The following KHDRBS2 variants were observed in gnomAD, a reference collection of about 807,000 sequenced individuals.
KHDRBS2 encodes the protein KH RNA binding domain containing, signal transduction associated 2.
Under a neutral mutation model 44.3 loss-of-function variants are expected in KHDRBS2, and 26 were observed. That is an observed-to-expected ratio of 0.59 (90% CI 0.43 to 0.81). The LOEUF (loss-of-function observed/expected upper bound fraction) is 0.81, where lower values mean the gene tolerates loss of function less well. Among genes scored for constraint, KHDRBS2 ranks in the 40% least tolerant of loss-of-function variants. The pLI, the probability that KHDRBS2 is intolerant of heterozygous loss-of-function variation, is 0.00. For missense variants in KHDRBS2, 476 were observed against 433.1 expected (o/e 1.10, Z -0.88); for synonymous variants, 194 against 151.1 (o/e 1.28, Z -2.08).
intron 6 of KHDRBS2, among the ~76,000 whole-genome samples, chr6:61,742,233 T>C (rs1030673419): frequency 1.3e-5 from 2 of 151,956 alleles, no homozygotes; most frequent in Non-Finnish European, 2.9e-5. Context: ...TGAAGTGTGG[T>C]TAATTCTTAA....
the KHDRBS2 span, among the ~76,000 whole-genome samples, chr6:61,581,579 CACAATATACAATAT>C: frequency 9.0e-3 from 1,312 of 145,064 alleles, 5 homozygotes; most frequent in Middle Eastern, 0.022. Context: ...ATATACAATA[CACAATATACAATAT>C]ACAATATACA....
intron 4 of KHDRBS2, among the ~76,000 whole-genome samples, chr6:61,924,177 T>C (rs1302902348): frequency 6.6e-6 from 1 of 152,050 alleles, no homozygotes; most frequent in Admixed American, 6.6e-5. Context: ...AAAAGAGACG[T>C]ACACTATGTT....
At chr6:61,879,552 G>A (rs1474026499) in intron 6 of KHDRBS2, among the ~76,000 whole-genome samples, 5 of 151,836 alleles carry the variant, frequency 3.3e-5, no homozygotes, top group Non-Finnish European at 7.4e-5. Flanking sequence ...TTATTATTGT[G>A]ATATTAAAAA....
chr6:61,557,128 G>A, the KHDRBS2 span, among the ~76,000 whole-genome samples: 1 of 152,032 alleles, frequency 6.6e-6, no homozygotes, highest in Non-Finnish European at 1.5e-5. Context: ...CCAGAGATCT[G>A]CAGCTGCAGT....
At chr6:62,095,075 GT>G (rs1258513146) in intron 2 of KHDRBS2, among the ~76,000 whole-genome samples, 3 of 151,682 alleles carry the variant, frequency 2.0e-5, no homozygotes, top group Non-Finnish European at 4.4e-5. Context: ...TTATATGATT[GT>G]TTTTTTCTCT....
intron 4 of KHDRBS2, among the ~76,000 whole-genome samples, chr6:61,932,661 G>A (rs1226874116): frequency 5.9e-5 from 9 of 152,198 alleles, no homozygotes; most frequent in South Asian, 4.2e-4. Context: ...TTAGCCGGGC[G>A]TGGTGGTGGG....
chr6:62,125,929 CTACAGAGAGGGA>C (rs1478240224), intron 2 of KHDRBS2, among the ~76,000 whole-genome samples: 1 of 152,058 alleles, frequency 6.6e-6, no homozygotes, highest in Non-Finnish European at 1.5e-5. Context: ...GCTGTGGTGG[CTACAGAGAGGGA>C]TTCCCGCTTG....
At chr6:62,158,249 C>A (rs1816878464) in intron 2 of KHDRBS2, among the ~76,000 whole-genome samples, 1 of 152,080 alleles carries the variant, frequency 6.6e-6, no homozygotes, top group South Asian at 2.1e-4. Context: ...AAAAGACTGT[C>A]ATTAAATGAA....
At chr6:61,613,906 C>T in the KHDRBS2 span, among the ~76,000 whole-genome samples, 6 of 152,180 alleles carry the variant, frequency 3.9e-5, no homozygotes, top group South Asian at 2.1e-4. Flanking sequence ...ATTTTCTGAC[C>T]GTCTCTCTGT....
rs910580048 is a variant in KHDRBS2, at chr6:61,975,458, T to TA, written c.483+2607dup. ...TAGATCACCAAGTCATTTCATAGAATAAAAAAAATTGGCAGTTCATTTTTG... is the reference window on the plus strand; with the variant it reads ...TAGATCACCAAGTCATTTCATAGAATAAAAAAAAATTGGCAGTTCATTTTTG... On this transcript the variant is annotated intron_variant, in intron 4 of 8. Transcript: ENST00000281156. Among the ~76,000 whole-genome samples, 12 of 152,110 alleles carry TA rather than the reference T, an allele frequency of 7.9e-5. 1 individual carries two copies. Among genetic ancestry groups the TA allele is most frequent in the African/African-American group, 2.4e-4 (10 of 41,524 alleles).
chr6:62,128,469 T>C (rs1029124407), intron 2 of KHDRBS2, among the ~76,000 whole-genome samples: 13 of 152,070 alleles, frequency 8.5e-5, no homozygotes, highest in African/African-American at 3.1e-4. Flanking sequence ...TTACTGGAAA[T>C]ACAGGAAAGG....
At position 62,106,425 on chromosome 6, in the gene KHDRBS2, T is replaced by A. The variant is rs1246753265; in HGVS notation, c.220-58431A>T. Among the ~76,000 whole-genome samples the A allele has an allele frequency of 6.8e-4, 103 of 152,180 alleles. 1 individual carries two copies. The highest frequency in any genetic ancestry group is 2.2e-4 in the Non-Finnish European group (15 of 68,040). ...TTGTGTGGGAGTCTAAGTCTCTTTG[T>A]AGGTCACTCAGGACTTCTGTTATGA... On this transcript the variant is annotated intron_variant, in intron 2 of 8. Transcript: ENST00000281156.
intron 6 of KHDRBS2, among the ~76,000 whole-genome samples, chr6:61,759,930 G>C (rs1240526690): frequency 6.6e-6 from 1 of 152,120 alleles, no homozygotes; most frequent in African/African-American, 2.4e-5. Flanking sequence ...CTTTCTTAAA[G>C]GTCTGAGCCT....
intron 2 of KHDRBS2, among the ~76,000 whole-genome samples, chr6:62,105,575 G>C (rs61585940): frequency 8.5e-5 from 13 of 152,232 alleles, no homozygotes; most frequent in African/African-American, 2.6e-4. Flanking sequence ...AGAGGTGTTT[G>C]TAGTATTCTG....
chr6:61,674,820 C>G, the KHDRBS2 span, among the ~76,000 whole-genome samples: 54,568 of 151,438 alleles, frequency 0.36, 10,533 homozygotes, highest in East Asian at 0.49. Context: ...CCTTTAGAAA[C>G]AAGACAAAAC....
chr6:61,782,726 T>TACACACACACAC (rs1783170307), intron 6 of KHDRBS2, among the ~76,000 whole-genome samples: 2 of 100,616 alleles, frequency 2.0e-5, no homozygotes, highest in Non-Finnish European at 3.9e-5. Flanking sequence ...TATATATATA[T>TACACACACACAC]ATATATATAT....
intron 6 of KHDRBS2, among the ~76,000 whole-genome samples, chr6:61,848,631 C>A (rs1795005340): frequency 7.7e-6 from 1 of 129,918 alleles, no homozygotes; most frequent in South Asian, 2.5e-4. Flanking sequence ...TTTCATATGT[C>A]CTATCTGTTC....
the KHDRBS2 span, among the ~76,000 whole-genome samples, chr6:61,559,920 G>T: frequency 6.6e-6 from 1 of 152,060 alleles, no homozygotes; most frequent in African/African-American, 2.4e-5. Flanking sequence ...TGTATTTTCA[G>T]ATGATTTCTT....
intron 8 of KHDRBS2, among the ~76,000 whole-genome samples, chr6:61,685,775 G>T (rs754142102): frequency 4.0e-5 from 6 of 151,730 alleles, no homozygotes; most frequent in Non-Finnish European, 5.9e-5. Context: ...CTATGCATTT[G>T]TCAATGTGTT....
Sources: gnomAD v4.1 joint callset for allele counts (sites outside exome capture counted in the v4.1 genomes callset) on GRCh38, gnomAD v4.1.1 for gene constraint, MANE v1.5 for transcripts, NCBI Gene and HGNC (gene_info 2026-07-23, HGNC 2026-07-21) for gene names.